NEO1: variants seen among roughly 807,000 people sequenced by gnomAD.
NEO1 encodes neogenin 1, also known as neogenin.
A neutral mutation model predicts 159.7 loss-of-function variants in NEO1; 63 were observed. The observed-to-expected ratio is 0.39, with a 90% CI of 0.32 to 0.49. The LOEUF (loss-of-function observed/expected upper bound fraction) is 0.49. Ranked by LOEUF, NEO1 falls within the 20% of genes least tolerant of loss-of-function variation. The pLI is 0.85. For synonymous variants in NEO1, 633 were observed against 662.0 expected, an observed-to-expected ratio of 0.96 and a Z score of 0.67; for missense variants, 1,615 against 1,831.0, an observed-to-expected ratio of 0.88 and a Z score of 2.15.
At position 73,236,478 on chromosome 15, in the gene NEO1, G is replaced by A. The variant is rs771704423; in HGVS notation, c.1423G>A (p.Val475Met). Residue 475 changes from valine (V) to methionine (M), a missense_variant, in exon 8 of 29, where the codon GTG becomes ATG. Physicochemically the swap from Val to Met is conservative, Grantham distance 21 (BLOSUM62 1). This residue lies in a region of NEO1 where 1,018 missense variants were observed against 1,115.4 expected (regional missense o/e 0.91). Coordinates refer to ENST00000261908, the MANE Select transcript of NEO1 (RefSeq NM_002499.4). ...DPHGDNLTYS[V>M]FYTKEGIARE... ...TCACGGAGACAACCTTACCTACTCT[G>A]TGTTCTACACCAAGGAAGGGATTGC... The A allele has an allele frequency of 6.2e-7, 1 of 1,614,128 alleles. No homozygotes were observed. Among genetic ancestry groups the A allele is most frequent in the Non-Finnish European group, 8.5e-7 (1 of 1,180,008 alleles).
rs144851137 is a variant in NEO1, at chr15:73,115,131, C to T, written c.131-1409C>T. 9.8e-3 allele frequency among the ~76,000 whole-genome samples: 1,493 copies of T among 152,176 alleles called. 33 individuals are homozygous for T. The highest frequency in any genetic ancestry group is 0.034 in the African/African-American group (1,419 of 41,496). On this transcript the variant is annotated intron_variant, in intron 1 of 28. Coordinates refer to ENST00000261908, the MANE Select transcript of NEO1 (RefSeq NM_002499.4). The stretch of plus-strand genomic sequence containing the variant: ...AATCTCGGCTCACTGCAACCTCCAC[C>T]TCCCAGGTTCAAGTGATTTTCCCGC...
At chr15:73,292,608 T>C (rs2042202190) in intron 25 of NEO1, among the ~76,000 whole-genome samples, 1 of 152,220 alleles carries the variant, frequency 6.6e-6, no homozygotes, top group Non-Finnish European at 1.5e-5. Flanking sequence ...GTATGTGAAA[T>C]CTGTGTGGAA....
intron 5 of NEO1, among the ~76,000 whole-genome samples, chr15:73,171,647 A>C (rs1334305977): frequency 6.8e-6 from 1 of 147,832 alleles, no homozygotes; most frequent in Admixed American, 6.8e-5. Context: ...TATTATTATT[A>C]TTATTATTAC....
intron 5 of NEO1, among the ~76,000 whole-genome samples, chr15:73,150,147 C>CT (rs1164823955): frequency 6.6e-6 from 1 of 152,154 alleles, no homozygotes; most frequent in Non-Finnish European, 1.5e-5. Context: ...GACTTGTGAA[C>CT]TTTGAAATCC....
intron 5 of NEO1, among the ~76,000 whole-genome samples, chr15:73,142,735 C>G (rs2032515378): frequency 6.6e-6 from 1 of 152,200 alleles, no homozygotes; most frequent in Non-Finnish European, 1.5e-5. Flanking sequence ...GAGAATAATT[C>G]AGCCCTCAAG....
Position 73,260,465 on chromosome 15 carries a change from G to T in NEO1, c.2398G>T (p.Asp800Tyr), listed in dbSNP as rs902076005. The change falls in exon 15 of 29, where the codon GAT becomes TAT. Residue 800 changes from aspartate (D) to tyrosine (Y), a missense_variant and splice_region_variant. Physicochemically the swap from Asp to Tyr is radical, Grantham distance 160 (BLOSUM62 -3). Transcript: ENST00000261908. Reference sequence around the variant, plus strand: ...GCGCTATTACACCATTGAAAATCTGGGTATGTTTGCTAAGTAGAGAAAGTT... The same window carrying T: ...GCGCTATTACACCATTGAAAATCTGTGTATGTTTGCTAAGTAGAGAAAGTT... Reference protein sequence around the residue: ...KQRYYTIENLDPSSHYVITLK... With the variant: ...KQRYYTIENLYPSSHYVITLK... 6.3e-7 allele frequency: 1 copy of T among 1,579,208 alleles called. No homozygotes were observed. The highest frequency in any genetic ancestry group is 8.7e-7 in the Non-Finnish European group (1 of 1,154,560).
At chr15:73,150,936 A>T (rs1018519684) in intron 5 of NEO1, among the ~76,000 whole-genome samples, 15 of 152,198 alleles carry the variant, frequency 9.9e-5, no homozygotes, top group South Asian at 4.1e-4. Flanking sequence ...ACAAAGCATA[A>T]CGTATTTGAG....
intron 9 of NEO1, among the ~76,000 whole-genome samples, chr15:73,247,577 C>A (rs2039861894): frequency 6.6e-6 from 1 of 152,142 alleles, no homozygotes; most frequent in South Asian, 2.1e-4. Flanking sequence ...GTTAGAGTAA[C>A]CATATTCAGA....
chr15:73,116,872 ATTT>A lies in NEO1; in HGVS notation c.448+24_448+26del. ...CATAGTAGCAGGTAAGTTTTAAGTG[ATTT>A]TTTTTTTTGCATTTTCAAATATTTA... is the stretch of plus-strand genomic sequence containing the variant. On this transcript the variant is annotated intron_variant, in intron 2 of 28. Transcript: ENST00000261908. The A allele has an allele frequency of 7.8e-7, 1 of 1,278,738 alleles. No homozygotes were observed. The highest frequency in any genetic ancestry group is 1.1e-6 in the Non-Finnish European group (1 of 951,638). 79.2% of individuals were successfully genotyped at this position (1,278,738 alleles called of 1,614,324 possible).
chr15:73,274,006 G>T lies in NEO1; in HGVS notation c.3160+1G>T. ...GCTGTCCAATTCAGAACACCTAAAG[G>T]TAATGCTCCCCAAGCTGAGGGTTTT... On this transcript the variant is annotated splice_donor_variant, in intron 20 of 28. Transcript: ENST00000261908. LOFTEE classifies it high-confidence loss of function. 1 of 1,612,746 alleles carries T rather than the reference G, an allele frequency of 6.2e-7. No homozygotes were observed. Among genetic ancestry groups the T allele is most frequent in the Non-Finnish European group, 8.5e-7 (1 of 1,179,372 alleles).
chr15:73,251,497 G>C (rs1179011938), intron 11 of NEO1, among the ~76,000 whole-genome samples: 1 of 136,462 alleles, frequency 7.3e-6, no homozygotes, highest in East Asian at 2.1e-4. Context: ...CTGGATGACA[G>C]AGTGAGAAGC....
At chr15:73,269,463 C>T (rs144277044) in intron 16 of NEO1, among the ~76,000 whole-genome samples, 15 of 152,262 alleles carry the variant, frequency 9.9e-5, no homozygotes, top group Non-Finnish European at 1.8e-4. Flanking sequence ...CAGATTCAAG[C>T]GATTCTCATG....
intron 1 of NEO1, among the ~76,000 whole-genome samples, chr15:73,100,389 C>A (rs2070334575): frequency 6.6e-6 from 1 of 150,858 alleles, no homozygotes; most frequent in Non-Finnish European, 1.5e-5. Context: ...GGCTGGAGTG[C>A]AATGGTATAA....
chr15:73,203,100 C>T (rs1254403025), intron 7 of NEO1, among the ~76,000 whole-genome samples: 1 of 152,138 alleles, frequency 6.6e-6, no homozygotes, highest in African/African-American at 2.4e-5. Flanking sequence ...TGAGACCCTG[C>T]TTTCAATTCT....
chr15:73,094,080 C>T (rs900831269), intron 1 of NEO1, among the ~76,000 whole-genome samples: 3 of 151,896 alleles, frequency 2.0e-5, no homozygotes, highest in Non-Finnish European at 2.9e-5. Context: ...TTTTTAATTG[C>T]GATATAACTC....
chr15:73,273,062 G>C (rs754318354), intron 19 of NEO1, among the ~76,000 whole-genome samples: 2 of 146,152 alleles, frequency 1.4e-5, no homozygotes, highest in Non-Finnish European at 3.0e-5. Context: ...CTTATAATTA[G>C]AGTTAAAAGT....
intron 5 of NEO1, among the ~76,000 whole-genome samples, chr15:73,141,357 C>G (rs1310203017): frequency 1.3e-5 from 2 of 152,096 alleles, no homozygotes; most frequent in African/African-American, 4.8e-5. Flanking sequence ...GATTTATTGT[C>G]TTATCATTAA....
At chr15:73,171,118 GA>G in intron 5 of NEO1, among the ~76,000 whole-genome samples, 1 of 152,048 alleles carries the variant, frequency 6.6e-6, no homozygotes, top group South Asian at 2.1e-4. Flanking sequence ...CAGATTGCAG[GA>G]AAACCTTATA....
At chr15:73,148,125 C>T (rs1206857077) in intron 5 of NEO1, among the ~76,000 whole-genome samples, 29 of 152,038 alleles carry the variant, frequency 1.9e-4, no homozygotes, top group Admixed American at 1.8e-3. Flanking sequence ...AAATGTTTTT[C>T]ATGTAGTATT....
Sources: allele counts gnomAD v4.1 joint callset (sites outside exome capture counted in the v4.1 genomes callset), GRCh38; gene constraint gnomAD v4.1.1; regional missense constraint gnomAD v4.1.1; transcripts MANE v1.5; gene names NCBI Gene and HGNC (gene_info 2026-07-23, HGNC 2026-07-21).